CRYZL1: variants seen among roughly 807,000 people sequenced by gnomAD.
CRYZL1 encodes the protein ferry endosomal RAB5 effector complex subunit 4.
Under a neutral mutation model 50.6 loss-of-function variants are expected in CRYZL1, and 34 were observed. The ratio of observed to expected loss-of-function variants is 0.67; its 90% CI spans 0.51 to 0.89. The LOEUF is 0.89. Ranked by LOEUF, CRYZL1 falls within the 40% of genes least tolerant of loss-of-function variation. CRYZL1 has a pLI of 0.00. For missense variants in CRYZL1, 354 were observed against 402.3 expected (o/e 0.88, Z 1.03); for synonymous variants, 125 against 134.3 (o/e 0.93, Z 0.48).
chr21:33,618,133 C>T (rs1207844744), intron 4 of CRYZL1, among the ~76,000 whole-genome samples: 4 of 151,284 alleles, frequency 2.6e-5, no homozygotes, highest in Admixed American at 2.6e-4. Flanking sequence ...ACTAAAAATA[C>T]AAAAAATTAG....
chr21:33,591,325 C>A, intron 11 of CRYZL1, 118 bp from the exon 12 acceptor site: 1 of 771,160 alleles, frequency 1.3e-6, no homozygotes, highest in Non-Finnish European at 2.3e-6. Flanking sequence ...CTCTCAGAGA[C>A]TCAACATGTT....
At chr21:33,615,180 G>T in intron 5 of CRYZL1, among the ~76,000 whole-genome samples, 1 of 133,560 alleles carries the variant, frequency 7.5e-6, no homozygotes, top group Non-Finnish European at 1.6e-5. Flanking sequence ...TTTGGACAAG[G>T]TCTCCCTCTG....
At chr21:33,612,137 T>C (rs534977735) in intron 6 of CRYZL1, among the ~76,000 whole-genome samples, 1 of 152,328 alleles carries the variant, frequency 6.6e-6, no homozygotes, top group East Asian at 1.9e-4. Context: ...CAAATTTCCA[T>C]AGGCTACATG....
intron 4 of CRYZL1, among the ~76,000 whole-genome samples, chr21:33,620,372 A>G (rs1205652236): frequency 6.6e-6 from 1 of 152,206 alleles, no homozygotes; most frequent in African/African-American, 2.4e-5. Flanking sequence ...AAAGATCATT[A>G]TTTCATCATA....
intron 10 of CRYZL1, among the ~76,000 whole-genome samples, chr21:33,596,813 T>C (rs2086698944): frequency 6.6e-6 from 1 of 151,096 alleles, no homozygotes; most frequent in African/African-American, 2.4e-5. Context: ...CTTTCTGATA[T>C]AAAATATGGA....
intron 1 of CRYZL1, chr21:33,639,944 G>C: frequency 2.8e-6 from 1 of 360,156 alleles, no homozygotes; most frequent in South Asian, 3.9e-5. Context: ...TCCTGCCTCA[G>C]CCTCCTGAGT....
intron 10 of CRYZL1, 138 bp from the exon 11 acceptor site, chr21:33,595,974 G>A (rs1892585394): frequency 2.4e-5 from 16 of 654,514 alleles, no homozygotes; most frequent in East Asian, 8.2e-5. Flanking sequence ...CTTTAATAAC[G>A]TAAACGATAA....
At chr21:33,611,293 G>C (rs1403673109) in intron 6 of CRYZL1, among the ~76,000 whole-genome samples, 2 of 152,158 alleles carry the variant, frequency 1.3e-5, no homozygotes, top group Non-Finnish European at 2.9e-5. Flanking sequence ...TCTTTCAAAG[G>C]AAGACACACA....
intron 3 of CRYZL1, 99 bp from the exon 4 acceptor site, chr21:33,622,167 G>C (rs987111046): frequency 6.6e-6 from 6 of 902,430 alleles, no homozygotes; most frequent in Non-Finnish European, 1.0e-5. Flanking sequence ...ATCACAGAAA[G>C]AGCAAATATG....
intron 4 of CRYZL1, 53 bp from the exon 5 acceptor site, chr21:33,616,803 T>C: frequency 7.2e-7 from 1 of 1,385,836 alleles, no homozygotes; most frequent in Non-Finnish European, 9.7e-7. Flanking sequence ...TAAATATAAT[T>C]CTTATCTATT....
chr21:33,597,003 G>A (rs1383882859), intron 10 of CRYZL1, among the ~76,000 whole-genome samples: 1 of 151,868 alleles, frequency 6.6e-6, no homozygotes, highest in African/African-American at 2.4e-5. Context: ...TCAAGGAGCT[G>A]GGAATATAAG....
intron 2 of CRYZL1, among the ~76,000 whole-genome samples, chr21:33,625,649 G>GATTTTTAATTTTT (rs2087053279): frequency 6.6e-6 from 1 of 150,890 alleles, no homozygotes; most frequent in Non-Finnish European, 1.5e-5. Context: ...ACACCCAGCT[G>GATTTTTAATTTTT]ATTTTTAATT....
intron 6 of CRYZL1, among the ~76,000 whole-genome samples, chr21:33,604,749 G>C (rs2086793896): frequency 6.6e-6 from 1 of 152,132 alleles, no homozygotes; most frequent in African/African-American, 2.4e-5. Flanking sequence ...TTGTTTAGCT[G>C]ATGAACATTT....
chr21:33,599,375 T>C (rs1187231702), intron 8 of CRYZL1, 127 bp from the exon 9 acceptor site: 1 of 1,270,348 alleles, frequency 7.9e-7, no homozygotes, highest in Non-Finnish European at 1.1e-6. Context: ...ATTCAAACAA[T>C]TACTGAATTT....
At chr21:33,609,292 T>C (rs913898535) in intron 6 of CRYZL1, among the ~76,000 whole-genome samples, 1 of 152,162 alleles carries the variant, frequency 6.6e-6, no homozygotes, top group Admixed American at 6.6e-5. Context: ...CACTGTTGTT[T>C]CCTTTGCTGT....
In CRYZL1 at chr21:33,631,102, T is replaced by C. The variant is rs548867857; in HGVS notation, c.66+384A>G. 1.4e-4 allele frequency among the ~76,000 whole-genome samples: 21 copies of C among 152,320 alleles called. No homozygotes were observed. The East Asian group carries it at 3.7e-3, about 27-fold the overall frequency. ...TATTGTACAGCAAGGTGACTATAGT[T>C]AACAACGTATTGCATATTTCAAAAT... On this transcript the variant is annotated intron_variant, in intron 2 of 12. Coordinates refer to ENST00000381554, the MANE Select transcript of CRYZL1 (RefSeq NM_145858.3).
chr21:33,632,121 G>A (rs1453918864), intron 1 of CRYZL1, among the ~76,000 whole-genome samples: 22 of 148,070 alleles, frequency 1.5e-4, no homozygotes, highest in East Asian at 2.0e-4. Context: ...TCAGGAGTTC[G>A]AGATCAGCCT....
intron 4 of CRYZL1, among the ~76,000 whole-genome samples, chr21:33,621,171 C>T (rs2086995546): frequency 2.0e-5 from 3 of 150,268 alleles, no homozygotes; most frequent in South Asian, 2.1e-4. Flanking sequence ...TCCCAAAGTG[C>T]TGGGATTACA....
intron 4 of CRYZL1, among the ~76,000 whole-genome samples, chr21:33,618,425 C>A (rs180699713): frequency 1.2e-4 from 19 of 152,120 alleles, no homozygotes; most frequent in Admixed American, 1.2e-3. Flanking sequence ...GAAAAAACTC[C>A]AAATATTGTT....
Sources: allele counts gnomAD v4.1 joint callset (sites outside exome capture counted in the v4.1 genomes callset), GRCh38; gene constraint gnomAD v4.1.1; transcripts MANE v1.5; gene names NCBI Gene and HGNC (gene_info 2026-07-23, HGNC 2026-07-21).